Variants in CA14 observed in about 807,000 individuals in gnomAD.
The protein encoded by CA14 is CA-XIV.
In CA14, 44 loss-of-function variants were observed where a neutral mutation model predicts 48.8. The observed-to-expected ratio is 0.90, with a 90% CI of 0.71 to 1.16. CA14 has a LOEUF of 1.16. Among genes scored for constraint, CA14 ranks in the 50% most tolerant of loss-of-function variants. CA14 has a pLI of 0.00. For missense variants in CA14, 386 were observed against 401.0 expected (o/e 0.96, Z 0.32); for synonymous variants, 154 against 155.0 (o/e 0.99, Z 0.05).
chr1:150,258,924 C>G (rs1259479994), intron 1 of CA14, among the ~76,000 whole-genome samples: 1 of 151,858 alleles, frequency 6.6e-6, no homozygotes, highest in African/African-American at 2.4e-5. Context: ...AGGTGGGTGT[C>G]CAGAGAGCAG....
At chr1:150,264,480 G>A in intron 10 of CA14, 113 bp from the exon 11 acceptor site, 1 of 658,204 alleles carries the variant, frequency 1.5e-6, no homozygotes, top group South Asian at 1.8e-5. Context: ...TGGGATTATA[G>A]GTGTGAAACA....
Position 150,258,067 on chromosome 1 carries a change from C to T in CA14, c.-62C>T. Reference sequence around the variant, plus strand: ...CTCTCACTCCTCCCTCCCTCTCTCTCTGCCTGTCCTAGTCCTCTAGTCCTC... The same window carrying T: ...CTCTCACTCCTCCCTCCCTCTCTCTTTGCCTGTCCTAGTCCTCTAGTCCTC... On this transcript the variant is annotated 5_prime_UTR_variant, in exon 1 of 11. Transcript: ENST00000369111. The T allele has an allele frequency of 7.5e-7, 1 of 1,331,468 alleles. No individual in the cohort carries two copies. The highest frequency in any genetic ancestry group is 1.3e-5 in the South Asian group (1 of 76,544). 82.5% of individuals were successfully genotyped at this position (1,331,468 alleles called of 1,614,324 possible). A position where few individuals can be genotyped will look rare whatever the true frequency, so the allele number is the denominator to read the frequency against.
At chr1:150,264,032 TCTC>T (rs781874008) in intron 10 of CA14, among the ~76,000 whole-genome samples, 154 bp downstream of exon 10, 8 of 151,374 alleles carry the variant, frequency 5.3e-5, no homozygotes, top group Non-Finnish European at 1.2e-4. Flanking sequence ...TTCAAGCAAT[TCTC>T]CTGCCTCAGC....
intron 3 of CA14, among the ~76,000 whole-genome samples, chr1:150,261,924 G>A (rs1353305446): frequency 2.0e-5 from 3 of 152,212 alleles, no homozygotes; most frequent in African/African-American, 7.2e-5. Flanking sequence ...TGTAGCCAAA[G>A]CGGGAATCGA....
rs1553847553 is a variant in CA14 at position 150,260,372 on chromosome 1, T to G, written c.76+201T>G. On this transcript the variant is annotated intron_variant, in intron 2 of 10. Transcript: ENST00000369111. ...ATCATCAAATCCTACACCTCCTGAT[T>G]TGGCAGAAAAGCTAGTTAAGTCCTC... The G allele has an allele frequency of 7.3e-6, 5 of 685,294 alleles. No individual in the cohort carries two copies. The South Asian group carries it at 7.8e-5, about 11-fold the overall frequency. The allele number at this position is 685,294 out of a possible 1,614,324, so 42.5% of individuals were successfully genotyped here.
chr1:150,261,737 C>T lies in CA14; in HGVS notation c.256+99C>T, dbSNP rs1553847907. On this transcript the variant is annotated intron_variant, in intron 3 of 10. Coordinates refer to ENST00000369111, the MANE Select transcript of CA14 (RefSeq NM_012113.3). Reference sequence around the variant, plus strand: ...GGCATGATGATGGGGTGTTCCTGAGCATGCGTAAGATGTGCCGCCCTCAAA... The same window carrying T: ...GGCATGATGATGGGGTGTTCCTGAGTATGCGTAAGATGTGCCGCCCTCAAA... The T allele has an allele frequency of 1.2e-5, 13 of 1,117,716 alleles. No individual in the cohort carries two copies. In the East Asian group the frequency reaches 3.2e-4, roughly 28 times the overall value. The allele number at this position is 1,117,716 out of a possible 1,614,324, so 69.2% of individuals were successfully genotyped here.
intron 1 of CA14, among the ~76,000 whole-genome samples, chr1:150,258,918 G>A (rs1650767537): frequency 6.6e-6 from 1 of 152,148 alleles, no homozygotes; most frequent in Admixed American, 6.5e-5. Flanking sequence ...AGGGTGAGGT[G>A]GGTGTCCAGA....
intron 3 of CA14, 104 bp downstream of exon 3, chr1:150,261,742 G>GTT: frequency 1.9e-6 from 2 of 1,046,666 alleles, no homozygotes; most frequent in Non-Finnish European, 2.8e-6. Context: ...CTGAGCATGC[G>GTT]TAAGATGTGC....
rs1291668685 is a variant in CA14, at chr1:150,257,947, C to T, written c.-182C>T. ...CAGAAACCCATGATACCCTACTGAA[C>T]ACCGAATCCCCTGGAAGCCCACAGA... On this transcript the variant is annotated 5_prime_UTR_variant, in exon 1 of 11. Transcript: ENST00000369111. 4.6e-6 allele frequency: 2 copies of T among 435,618 alleles called. No individual in the cohort carries two copies. Among genetic ancestry groups the T allele is most frequent in the South Asian group, 4.4e-5 (1 of 22,608 alleles). 27.0% of individuals were successfully genotyped at this position (435,618 alleles called of 1,614,324 possible).
Position 150,262,629 on chromosome 1 carries a change from C to A in CA14, c.495+9C>A, listed in dbSNP as rs782220385. ...TGGGCATCCTAATTGAGGTCAGTAG[C>A]CCCCAGTCCCTTCCAGGTTTCTCTC... On this transcript the variant is annotated intron_variant, in intron 5 of 10. Transcript: ENST00000369111. 9 of 1,596,462 alleles carry A rather than the reference C, an allele frequency of 5.6e-6. No homozygotes were observed. The highest frequency in any genetic ancestry group is 7.7e-6 in the Non-Finnish European group (9 of 1,164,038).
chr1:150,260,058 G>A (rs1384210303), intron 1 of CA14, 93 bp from the exon 2 acceptor site: 3 of 1,205,072 alleles, frequency 2.5e-6, no homozygotes, highest in Admixed American at 3.5e-5. Flanking sequence ...GAGGGAGGTG[G>A]AGCAGTACAG....
At chr1:150,258,277 C>G (rs2101824594) in intron 1 of CA14, 94 bp downstream of exon 1, 1 of 1,019,484 alleles carries the variant, frequency 9.8e-7, no homozygotes, top group Non-Finnish European at 1.5e-6. Flanking sequence ...TGAAAGGAAG[C>G]CTAGAGGCTG....
At chr1:150,263,445 TG>T (rs782410780) in intron 8 of CA14, 26 bp downstream of exon 8, 1 of 1,612,432 alleles carries the variant, frequency 6.2e-7, no homozygotes. Context: ...TCAGAAGAGA[TG>T]GGAAACTGAG....
rs1429131184 is a variant in CA14 at position 150,261,557 on chromosome 1, C to A, written c.175C>A (p.Pro59Thr). The A allele has an allele frequency of 2.6e-5, 42 of 1,614,024 alleles. No homozygotes were observed. The highest frequency in any genetic ancestry group is 3.3e-5 in the Non-Finnish European group (39 of 1,180,038). ...DIQTDSVTFD[P>T]DLPALQPHGY... ...TCAGACAGACAGTGTGACATTTGAC[C>A]CTGATTTGCCTGCTCTGCAGCCCCA... The change falls in exon 3 of 11, where the codon CCT becomes ACT. Residue 59 changes from proline (P) to threonine (T), a missense_variant. By Grantham distance (38) the Pro-to-Thr change is conservative. Coordinates refer to ENST00000369111, the MANE Select transcript of CA14 (RefSeq NM_012113.3).
intron 5 of CA14, 31 bp from the exon 6 acceptor site, chr1:150,262,773 T>A: frequency 6.4e-7 from 1 of 1,560,160 alleles, no homozygotes; most frequent in South Asian, 1.1e-5. Flanking sequence ...ATGGACTCAT[T>A]CCAAACTCTC....
chr1:150,261,333 G>A, intron 2 of CA14, 126 bp from the exon 3 acceptor site: 5 of 789,106 alleles, frequency 6.3e-6, no homozygotes, highest in Non-Finnish European at 1.0e-5. Context: ...CTGGGTGGAG[G>A]GAAGTCCATT....
Position 150,263,676 on chromosome 1 carries a change from A to G in CA14, c.859A>G (p.Thr287Ala), listed in dbSNP as rs138538617. Residue 287 changes from threonine to alanine, a missense_variant, in exon 9 of 11, where the codon ACA becomes GCA. By Grantham distance (58) the Thr-to-Ala change is moderately conservative. Transcript: ENST00000369111. ...TCTTACAGCAGGATCCTCGTATACC[A>G]CAGGTAAGCCAGCCTTATAAGATAA... ...SFIQAGSSYT[T>A]GEMLSLGVGI... is the part of the protein sequence containing the mutation. 3.1e-6 allele frequency: 5 copies of G among 1,613,920 alleles called. No homozygotes were observed. The highest frequency in any genetic ancestry group is 1.3e-5 in the African/African-American group (1 of 74,914).
intron 1 of CA14, 67 bp downstream of exon 1, chr1:150,258,250 T>C: frequency 7.4e-7 from 1 of 1,349,542 alleles, no homozygotes; most frequent in Non-Finnish European, 1.0e-6. Context: ...GTGTGCTTAA[T>C]GGGGGGAGGA....
rs1651235089 is a variant in CA14, at chr1:150,263,176, A to C, written c.697A>C (p.Arg233=). The C allele has an allele frequency of 6.2e-7, 1 of 1,614,182 alleles. No homozygotes were observed. Reference sequence around the variant, plus strand: ...TGTGCTCTGGACAGTTTTTTATAGAAGGTCCCAGATTTCAATGGAACAGGT... The same window carrying C: ...TGTGCTCTGGACAGTTTTTTATAGACGGTCCCAGATTTCAATGGAACAGGT... The part of the protein sequence containing the change: ...QSVLWTVFYR[R]SQISMEQLEK... The change falls in exon 7 of 11, where the codon AGG becomes CGG. Residue 233 remains arginine (R), a synonymous_variant. Transcript: ENST00000369111.
Sources: gnomAD v4.1 joint callset for allele counts (sites outside exome capture counted in the v4.1 genomes callset) on GRCh38, gnomAD v4.1.1 for gene constraint, MANE v1.5 for transcripts, NCBI Gene and HGNC (gene_info 2026-07-23, HGNC 2026-07-21) for gene names.